Variants in LNPEP observed in about 807,000 individuals in gnomAD.
The protein encoded by LNPEP is leucyl and cystinyl aminopeptidase.
In LNPEP, 64 loss-of-function variants were observed where a neutral mutation model predicts 120.6. That is an observed-to-expected ratio of 0.53 (90% CI 0.43 to 0.65). The LOEUF (loss-of-function observed/expected upper bound fraction) is 0.65. Ranked by LOEUF, LNPEP falls within the 30% of genes least tolerant of loss-of-function variation. The probability of loss-of-function intolerance (pLI) is 0.00; values close to 1 mark genes in which losing one functional copy is unlikely to be tolerated. For missense variants in LNPEP, 1,057 were observed against 1,200.0 expected (o/e 0.88, Z 1.76); for synonymous variants, 435 against 425.4 (o/e 1.02, Z -0.28).
At position 97,022,300 on chromosome 5, in the gene LNPEP, A is replaced by G; in HGVS notation, c.2377A>G (p.Thr793Ala). 2.6e-6 allele frequency: 4 copies of G among 1,566,604 alleles called. No individual in the cohort carries two copies. Among genetic ancestry groups the G allele is most frequent in the Non-Finnish European group, 3.5e-6 (4 of 1,140,702 alleles). Residue 793 changes from threonine (T) to alanine (A), a missense_variant and splice_region_variant, in exon 14 of 18, where the codon ACT (threonine) becomes GCT (alanine). Transcript: ENST00000231368. The stretch of plus-strand genomic sequence containing the variant: ...ATTATAATCTATTTTGTCTCTCTAG[A>G]CTAGGGTATTTAAATTACTTCAAAA... ...GYMDLASRLV[T>A]RVFKLLQNQI...
At chr5:97,016,372 G>A (rs564159849) in intron 13 of LNPEP, among the ~76,000 whole-genome samples, 2 of 152,226 alleles carry the variant, frequency 1.3e-5, no homozygotes, top group African/African-American at 4.8e-5. Context: ...ACCGTGCTTA[G>A]TGCTTAATGT....
Position 96,975,479 on chromosome 5 carries a change from A to G in LNPEP, c.20-3659A>G, listed in dbSNP as rs190367110. Among the ~76,000 whole-genome samples, 505 of 152,222 alleles carry G rather than the reference A, an allele frequency of 3.3e-3. 9 individuals are homozygous for G. The highest frequency in any genetic ancestry group is 9.7e-4 in the Non-Finnish European group (66 of 68,000). On this transcript the variant is annotated intron_variant, in intron 1 of 17. Coordinates refer to ENST00000231368, the MANE Select transcript of LNPEP (RefSeq NM_005575.3). Reference sequence around the variant, plus strand: ...TACCTTTTTGACGTGACTTGTAATCATACCCTCCTCTTTATTCTCACTGCT... The same window carrying G: ...TACCTTTTTGACGTGACTTGTAATCGTACCCTCCTCTTTATTCTCACTGCT...
At chr5:96,944,560 CTTTTTTTTTTTTTT>C (rs60017687) in intron 1 of LNPEP, among the ~76,000 whole-genome samples, 2 of 56,358 alleles carry the variant, frequency 3.5e-5, no homozygotes, top group South Asian at 7.1e-4. Context: ...CTTATTTTTG[CTTTTTTTTTTTTTT>C]TTTTTTTTTT....
chr5:96,952,287 A>T (rs574048795), intron 1 of LNPEP, among the ~76,000 whole-genome samples: 1 of 152,316 alleles, frequency 6.6e-6, no homozygotes, highest in African/African-American at 2.4e-5. Flanking sequence ...TTGTAATAGC[A>T]CAAGTCATGT....
At chr5:96,963,350 T>A (rs1242873318) in intron 1 of LNPEP, among the ~76,000 whole-genome samples, 1 of 152,138 alleles carries the variant, frequency 6.6e-6, no homozygotes, top group African/African-American at 2.4e-5. Context: ...AGGTCAACAG[T>A]TTGGATTATA....
At chr5:96,998,882 G>T (rs190118802) in intron 8 of LNPEP, among the ~76,000 whole-genome samples, 21 of 152,270 alleles carry the variant, frequency 1.4e-4, no homozygotes, top group Non-Finnish European at 3.1e-4. Flanking sequence ...AGGTAAATGG[G>T]AATTGAGTTG....
At chr5:97,001,626 C>G (rs1273766217) in intron 8 of LNPEP, among the ~76,000 whole-genome samples, 2 of 152,066 alleles carry the variant, frequency 1.3e-5, no homozygotes, top group Non-Finnish European at 2.9e-5. Context: ...GTCCAAAGAT[C>G]AGATGCAAGG....
intron 7 of LNPEP, among the ~76,000 whole-genome samples, chr5:96,997,630 G>A (rs27305): frequency 0.5 from 76,338 of 151,748 alleles, 19,386 homozygotes; most frequent in Middle Eastern, 0.58. Flanking sequence ...TCAGCGTAAG[G>A]ACCAGTTTTT....
chr5:97,036,957 G>A lies in LNPEP; in HGVS notation c.*8424G>A, dbSNP rs936381187. The A allele has an allele frequency of 2.0e-5, 3 of 152,156 alleles. No individual in the cohort carries two copies. Among genetic ancestry groups the A allele is most frequent in the African/African-American group, 7.2e-5 (3 of 41,446 alleles). 9.4% of individuals were successfully genotyped at this position (152,156 alleles called of 1,614,324 possible). ...CTTAATTTAAAATACTTCAAAGGAA[G>A]TAAAGGTCATGGCTTAGCTGAAGGA... On this transcript the variant is annotated 3_prime_UTR_variant, in exon 18 of 18. Transcript: ENST00000231368.
rs1791586020 is a variant in LNPEP at position 97,037,269 on chromosome 5, T to A, written c.*8736T>A. 1 of 152,202 alleles carries A rather than the reference T, an allele frequency of 6.6e-6. No homozygotes were observed. Among genetic ancestry groups the A allele is most frequent in the Non-Finnish European group, 1.5e-5 (1 of 68,028 alleles). 9.4% of individuals were successfully genotyped at this position (152,202 alleles called of 1,614,324 possible). ...ATAGAGATCTTCAATTCCTTGAGTC[T>A]GAGCTTGTGGGTGGAATTCTAAATT... is the stretch of plus-strand genomic sequence containing the variant. On this transcript the variant is annotated 3_prime_UTR_variant, in exon 18 of 18. Transcript: ENST00000231368.
chr5:96,979,083 T>C (rs1388337357), intron 1 of LNPEP, 55 bp from the exon 2 acceptor site: 25 of 1,520,378 alleles, frequency 1.6e-5, no homozygotes, highest in Non-Finnish European at 1.9e-5. Context: ...TTATTAATAT[T>C]ATGAGCTTTT....
chr5:96,961,704 A>C (rs1317161022), intron 1 of LNPEP, among the ~76,000 whole-genome samples: 1 of 152,170 alleles, frequency 6.6e-6, no homozygotes, highest in Non-Finnish European at 1.5e-5. Flanking sequence ...TAACCAGTTT[A>C]CACGAATCAT....
intron 4 of LNPEP, among the ~76,000 whole-genome samples, chr5:96,988,256 A>G (rs1790288223): frequency 6.6e-6 from 1 of 151,916 alleles, no homozygotes; most frequent in East Asian, 1.9e-4. Context: ...CTTCCTTATA[A>G]ATTCAGCAAT....
chr5:96,984,707 G>A (rs10038651), intron 2 of LNPEP, among the ~76,000 whole-genome samples: 61,876 of 151,984 alleles, frequency 0.41, 12,679 homozygotes, highest in Non-Finnish European at 0.43. Flanking sequence ...GGAGGCCTGC[G>A]TTAGTGAGAT....
chr5:96,966,771 G>A (rs1789737062), intron 1 of LNPEP, among the ~76,000 whole-genome samples: 1 of 151,928 alleles, frequency 6.6e-6, no homozygotes, highest in South Asian at 2.1e-4. Flanking sequence ...TAAATAATTA[G>A]GTTAGAAGCT....
chr5:96,968,664 G>A (rs1405500530), intron 1 of LNPEP, among the ~76,000 whole-genome samples: 2 of 152,014 alleles, frequency 1.3e-5, no homozygotes, highest in Middle Eastern at 6.8e-3. Flanking sequence ...TTTTTTAAAG[G>A]TGAAAGAAAC....
intron 1 of LNPEP, among the ~76,000 whole-genome samples, chr5:96,971,231 T>C (rs1242341614): frequency 6.6e-6 from 1 of 152,016 alleles, no homozygotes; most frequent in Non-Finnish European, 1.5e-5. Context: ...GAGAAGTTAG[T>C]GTATGTACTG....
rs148283748 is a variant in LNPEP, at chr5:97,013,657, A to G, written c.2045A>G (p.Asn682Ser). ...SLLDKKSGVI[N>S]LTEEVLWVKV... The stretch of plus-strand genomic sequence containing the variant: ...TTTTGGTTTCCATTAGGTGTCATCA[A>G]TCTTACAGAAGAAGTGCTGTGGGTC... Residue 682 changes from asparagine (N) to serine (S), a missense_variant, in exon 12 of 18, where the codon AAT becomes AGT. Physicochemically the swap from Asn to Ser is conservative, Grantham distance 46. Transcript: ENST00000231368. 153 of 1,536,682 alleles carry G rather than the reference A, an allele frequency of 1.0e-4. No individual in the cohort carries two copies. Among genetic ancestry groups the G allele is most frequent in the African/African-American group, 5.0e-4 (36 of 72,048 alleles).
chr5:97,021,062 A>G (rs1192950524), intron 13 of LNPEP, among the ~76,000 whole-genome samples: 1 of 152,252 alleles, frequency 6.6e-6, no homozygotes, highest in Non-Finnish European at 1.5e-5. Flanking sequence ...ATGACAGCCA[A>G]TACCAATGGA....
Sources: gnomAD v4.1 joint callset for allele counts (sites outside exome capture counted in the v4.1 genomes callset) on GRCh38, gnomAD v4.1.1 for gene constraint, MANE v1.5 for transcripts, NCBI Gene and HGNC (gene_info 2026-07-23, HGNC 2026-07-21) for gene names.